TRAF4: variants seen among roughly 807,000 people sequenced by gnomAD.
The protein encoded by TRAF4 is TNF receptor-associated factor 4.
Under a neutral mutation model 47.3 loss-of-function variants are expected in TRAF4, and 9 were observed. That is an observed-to-expected ratio of 0.19 (90% CI 0.11 to 0.33). TRAF4 has a LOEUF of 0.33. TRAF4 is among the 10% of genes least tolerant of loss of function. TRAF4 has a pLI of 1.00. For missense variants in TRAF4, 448 were observed against 620.3 expected (o/e 0.72, Z 2.95); for synonymous variants, 236 against 236.9 (o/e 1.00, Z 0.04).
At chr17:28,746,672 G>T (rs1020093907) in intron 1 of TRAF4, 2 of 152,558 alleles carry the variant, frequency 1.3e-5, no homozygotes, top group African/African-American at 4.8e-5. Flanking sequence ...ATGTAAACAG[G>T]TGCCAAGGAG....
In TRAF4 at chr17:28,749,560, C is replaced by G; in HGVS notation, c.1396C>G (p.Arg466Gly). Residue 466 changes from arginine (R) to glycine (G), a missense_variant, in exon 7 of 7, where the codon CGG becomes GGG. Arg to Gly is a moderately radical substitution (Grantham distance 125). Coordinates refer to ENST00000262395, the MANE Select transcript of TRAF4 (RefSeq NM_004295.4). ...VFIRAAVELP[R>G]KILS ...CATCCGTGCTGCTGTTGAACTGCCC[C>G]GGAAGATCCTCAGCTGAGTGCAGGT... is the stretch of plus-strand genomic sequence containing the variant. 1.9e-6 allele frequency: 3 copies of G among 1,612,274 alleles called. No homozygotes were observed. The highest frequency in any genetic ancestry group is 2.5e-6 in the Non-Finnish European group (3 of 1,179,132).
intron 2 of TRAF4, 27 bp from the exon 3 acceptor site, chr17:28,747,816 G>A (rs1228950601): frequency 6.2e-7 from 1 of 1,604,138 alleles, no homozygotes; most frequent in Admixed American, 1.7e-5. Flanking sequence ...CTCTGACCCT[G>A]GCCAGTTCCC....
In TRAF4 at chr17:28,747,777, T is replaced by C. The variant is rs568191419; in HGVS notation, c.196-66T>C. On this transcript the variant is annotated intron_variant, in intron 2 of 6. Coordinates refer to ENST00000262395, the MANE Select transcript of TRAF4 (RefSeq NM_004295.4). ...AAGGTAGAGCCAGCCCAGTTGGGTCTAGGGGTGGGAACTGGGCACTGCAGT... is the reference window on the plus strand; with the variant it reads ...AAGGTAGAGCCAGCCCAGTTGGGTCCAGGGGTGGGAACTGGGCACTGCAGT... 4.6e-6 allele frequency: 7 copies of C among 1,506,348 alleles called. No homozygotes were observed. In the Admixed American group the frequency reaches 1.3e-4, roughly 29 times the overall value. The allele number at this position is 1,506,348 out of a possible 1,614,324, so 93.3% of individuals were successfully genotyped here.
At chr17:28,744,591 A>G (rs1339046122) in intron 1 of TRAF4, 1 of 252,712 alleles carries the variant, frequency 4.0e-6, no homozygotes, top group Non-Finnish European at 7.7e-6. Context: ...GGAAGAGGAC[A>G]AAACCCGCTC....
rs745967275 is a variant in TRAF4, at chr17:28,748,596, G to A, written c.710G>A (p.Gly237Asp). Residue 237 changes from glycine (G) to aspartate (D), a missense_variant, in exon 6 of 7, where the codon GGC (glycine) becomes GAC (aspartate). Gly to Asp is a moderately conservative substitution (Grantham distance 94). Transcript: ENST00000262395. The part of the protein sequence containing the change: ...VGTVAREDLP[G>D]HLKDSCNTAL... Reference sequence around the variant, plus strand: ...ACTGTGGCTCGGGAGGACCTGCCAGGCCATCTGAAGGACAGCTGTAACACC... The same window carrying A: ...ACTGTGGCTCGGGAGGACCTGCCAGACCATCTGAAGGACAGCTGTAACACC... 17 of 1,613,132 alleles carry A rather than the reference G, an allele frequency of 1.1e-5. No individual in the cohort carries two copies. Among genetic ancestry groups the A allele is most frequent in the Admixed American group, 3.3e-5 (2 of 59,988 alleles).
intron 1 of TRAF4, 21 bp downstream of exon 1, chr17:28,744,276 G>A (rs761509109): frequency 1.1e-4 from 86 of 794,668 alleles, no homozygotes; most frequent in Admixed American, 2.8e-4. Flanking sequence ...GGGAGCAGGG[G>A]ACAGCGGGGG....
At chr17:28,747,382 C>T (rs2034531101) in intron 2 of TRAF4, 118 bp downstream of exon 2, 1 of 1,278,456 alleles carries the variant, frequency 7.8e-7, no homozygotes, top group African/African-American at 1.5e-5. Flanking sequence ...GATGGTGCGC[C>T]TCCACAAAGG....
Position 28,748,554 on chromosome 17 carries a change from A to G in TRAF4, c.668A>G (p.Asn223Ser), listed in dbSNP as rs2034551874. The G allele has an allele frequency of 6.2e-7, 1 of 1,613,512 alleles. No homozygotes were observed. Among genetic ancestry groups the G allele is most frequent in the Non-Finnish European group, 8.5e-7 (1 of 1,179,954 alleles). ...QCPRLPVACP[N>S]QCGVGTVARE... ...CCAAGGCTGCCTGTTGCCTGCCCCA[A>G]CCAATGTGGTGTGGGCACTGTGGCT... Residue 223 changes from asparagine to serine, a missense_variant, in exon 6 of 7, where the codon AAC (asparagine) becomes AGC (serine). Physicochemically the swap from Asn to Ser is conservative, Grantham distance 46. Transcript: ENST00000262395.
intron 1 of TRAF4, among the ~76,000 whole-genome samples, chr17:28,746,014 C>T (rs911110303): frequency 2.0e-5 from 3 of 152,268 alleles, no homozygotes; most frequent in Admixed American, 6.5e-5. Flanking sequence ...AGACACACCC[C>T]TTCAGTGCCT....
At chr17:28,748,801 G>C (rs2034555924) in intron 6 of TRAF4, 135 bp downstream of exon 6, 2 of 1,485,186 alleles carry the variant, frequency 1.3e-6, no homozygotes, top group Non-Finnish European at 1.8e-6. Context: ...TCTGCTGCCA[G>C]CTCCAGCCTC....
rs1281521511 is a variant in TRAF4 at position 28,750,247 on chromosome 17, G to T, written c.*670G>T. 6 of 294,438 alleles carry T rather than the reference G, an allele frequency of 2.0e-5. No homozygotes were observed. The highest frequency in any genetic ancestry group is 3.2e-5 in the Non-Finnish European group (5 of 156,306). 18.2% of individuals were successfully genotyped at this position (294,438 alleles called of 1,614,324 possible). ...GATGGACGCCGGGAAAACTGCATCG[G>T]GCTTTGTGTGGAAGACGGTCCCTGC... On this transcript the variant is annotated 3_prime_UTR_variant, in exon 7 of 7. Coordinates refer to ENST00000262395, the MANE Select transcript of TRAF4 (RefSeq NM_004295.4).
chr17:28,750,306 A>G lies in TRAF4; in HGVS notation c.*729A>G. 1 of 200,880 alleles carries G rather than the reference A, an allele frequency of 5.0e-6. No homozygotes were observed. The highest frequency in any genetic ancestry group is 5.4e-5 in the Admixed American group (1 of 18,382). 12.4% of individuals were successfully genotyped at this position (200,880 alleles called of 1,614,324 possible). ...TCTGCCGATGAAATGCGGGAAGTGTATGGCCTAGATGTTTCATAAGGCTGG... is the reference window on the plus strand; with the variant it reads ...TCTGCCGATGAAATGCGGGAAGTGTGTGGCCTAGATGTTTCATAAGGCTGG... On this transcript the variant is annotated 3_prime_UTR_variant, in exon 7 of 7. Transcript: ENST00000262395.
chr17:28,749,337 G>A lies in TRAF4; in HGVS notation c.1173G>A (p.Leu391=). The A allele has an allele frequency of 1.2e-6, 2 of 1,614,018 alleles. No homozygotes were observed. The highest frequency in any genetic ancestry group is 3.3e-4 in the Middle Eastern group (2 of 6,062). Residue 391 remains leucine, a synonymous_variant, in exon 7 of 7, where the codon CTG becomes CTA. Transcript: ENST00000262395. ...CCCGCCGTGTCACCTTCTCCCTGCT[G>A]GATCAGAGCGACCCTGGGCTGGCTA... is the stretch of plus-strand genomic sequence containing the variant. ...PFARRVTFSL[L]DQSDPGLAKP...
Position 28,749,005 on chromosome 17 carries a change from A to G in TRAF4, c.841A>G (p.Met281Val). The G allele has an allele frequency of 1.9e-6, 3 of 1,613,694 alleles. No homozygotes were observed. The highest frequency in any genetic ancestry group is 2.5e-6 in the Non-Finnish European group (3 of 1,180,028). Residue 281 changes from methionine to valine, a missense_variant, in exon 7 of 7, where the codon ATG (methionine) becomes GTG (valine). Coordinates refer to ENST00000262395, the MANE Select transcript of TRAF4 (RefSeq NM_004295.4). ...GAGTGTGAAGCCACATCTGGCCATG[A>G]TGTGTGCCCTGGTGAGCCGGCAACG... is the stretch of plus-strand genomic sequence containing the variant. The part of the protein sequence containing the change: ...EESVKPHLAM[M>V]CALVSRQRQE...
rs1043111774 is a variant in TRAF4 at position 28,749,000 on chromosome 17, C to T, written c.836C>T (p.Ala279Val). 48 of 1,613,616 alleles carry T rather than the reference C, an allele frequency of 3.0e-5. No individual in the cohort carries two copies. The highest frequency in any genetic ancestry group is 3.9e-5 in the Non-Finnish European group (46 of 1,179,996). Residue 279 changes from alanine to valine, a missense_variant, in exon 7 of 7, where the codon GCC becomes GTC. Physicochemically the swap from Ala to Val is moderately conservative, Grantham distance 64. Transcript: ENST00000262395. The part of the protein sequence containing the change: ...HVEESVKPHL[A>V]MMCALVSRQR... ...GAGGAGAGTGTGAAGCCACATCTGG[C>T]CATGATGTGTGCCCTGGTGAGCCGG...
In TRAF4 at chr17:28,749,826, T is replaced by C; in HGVS notation, c.*249T>C. The C allele has an allele frequency of 1.4e-6, 1 of 724,226 alleles. No individual in the cohort carries two copies. The highest frequency in any genetic ancestry group is 2.5e-6 in the Non-Finnish European group (1 of 405,424). 44.9% of individuals were successfully genotyped at this position (724,226 alleles called of 1,614,324 possible). ...TGACCCCAGGGCCTGTCTCCCTTCT[T>C]GGGTAGGGCAGACATGCCTTGGTGC... On this transcript the variant is annotated 3_prime_UTR_variant, in exon 7 of 7. Coordinates refer to ENST00000262395, the MANE Select transcript of TRAF4 (RefSeq NM_004295.4).
At chr17:28,748,725 C>T (rs1159868568) in intron 6 of TRAF4, 59 bp downstream of exon 6, 2 of 1,585,718 alleles carry the variant, frequency 1.3e-6, no homozygotes, top group East Asian at 2.2e-5. Flanking sequence ...GACAGAGGCT[C>T]AGCTTCTGAT....
intron 1 of TRAF4, chr17:28,744,918 C>T (rs970358954): frequency 1.3e-5 from 2 of 152,416 alleles, no homozygotes; most frequent in Non-Finnish European, 2.9e-5. Flanking sequence ...GGGTCGCACT[C>T]GTGTTGTTAC....
intron 1 of TRAF4, chr17:28,746,989 T>G (rs1041498401): frequency 3.0e-5 from 13 of 435,154 alleles, no homozygotes; most frequent in Non-Finnish European, 5.3e-5. Context: ...GGCAGCTGTC[T>G]GTGCCTCCTC....
Sources: gnomAD v4.1 joint callset for allele counts (sites outside exome capture counted in the v4.1 genomes callset) on GRCh38, gnomAD v4.1.1 for gene constraint, MANE v1.5 for transcripts, NCBI Gene and HGNC (gene_info 2026-07-23, HGNC 2026-07-21) for gene names.